KCNAB1: variants seen among roughly 807,000 people sequenced by gnomAD.
The protein encoded by KCNAB1 is voltage-gated potassium channel subunit beta-1.
In KCNAB1, 35 loss-of-function variants were observed where a neutral mutation model predicts 64.6. The observed-to-expected ratio is 0.54, with a 90% confidence interval of 0.41 to 0.72. The LOEUF is 0.72. KCNAB1 is among the 30% of genes least tolerant of loss of function. The pLI is 0.00. For missense variants in KCNAB1, 401 were observed against 512.9 expected (o/e 0.78, Z 2.11); for synonymous variants, 177 against 183.8 (o/e 0.96, Z 0.30).
intron 13 of KCNAB1, among the ~76,000 whole-genome samples, chr3:156,534,364 C>A (rs1179504845): frequency 6.6e-6 from 1 of 152,048 alleles, no homozygotes; most frequent in African/African-American, 2.4e-5. Flanking sequence ...GGAGGAGAAA[C>A]CACAGCTGCA....
At chr3:156,335,681 A>C (rs1723648918) in intron 1 of KCNAB1, among the ~76,000 whole-genome samples, 2 of 145,782 alleles carry the variant, frequency 1.4e-5, no homozygotes, top group Admixed American at 1.3e-4. Flanking sequence ...ATACCTCAAG[A>C]AAAAATCTTT....
chr3:156,345,749 A>G (rs1022560479), intron 1 of KCNAB1, among the ~76,000 whole-genome samples: 1 of 152,166 alleles, frequency 6.6e-6, no homozygotes, highest in African/African-American at 2.4e-5. Context: ...GTGTTTGAAT[A>G]TTTTCCATCA....
intron 1 of KCNAB1, among the ~76,000 whole-genome samples, chr3:156,285,907 T>C (rs1477606863): frequency 6.6e-6 from 1 of 152,252 alleles, no homozygotes; most frequent in Non-Finnish European, 1.5e-5. Context: ...TATCAGAGTG[T>C]TCAAATTCAG....
intron 1 of KCNAB1, among the ~76,000 whole-genome samples, chr3:156,206,805 G>C (rs930000421): frequency 2.0e-5 from 3 of 152,124 alleles, no homozygotes; most frequent in African/African-American, 7.2e-5. Flanking sequence ...GCAAAACTTT[G>C]CTCTGATATT....
At chr3:156,190,241 A>G (rs913441344) in intron 1 of KCNAB1, among the ~76,000 whole-genome samples, 3 of 152,162 alleles carry the variant, frequency 2.0e-5, no homozygotes, top group Non-Finnish European at 2.9e-5. Context: ...TTACCTTTGT[A>G]TAGCTGCAAA....
chr3:156,378,050 A>G (rs966063470), intron 1 of KCNAB1, among the ~76,000 whole-genome samples: 10 of 152,194 alleles, frequency 6.6e-5, no homozygotes, highest in Admixed American at 2.6e-4. Flanking sequence ...GTATATGGAC[A>G]TGCAGGGAGC....
intron 7 of KCNAB1, among the ~76,000 whole-genome samples, chr3:156,470,020 T>A (rs746709168): frequency 1.9e-4 from 29 of 152,214 alleles, no homozygotes; most frequent in African/African-American, 6.5e-4. Context: ...AAAGTTCAAA[T>A]TGATACAGAG....
intron 1 of KCNAB1, among the ~76,000 whole-genome samples, chr3:156,297,982 G>GT (rs1720911771): frequency 6.6e-6 from 1 of 152,172 alleles, no homozygotes; most frequent in Non-Finnish European, 1.5e-5. Context: ...TTTTGTTATT[G>GT]TTTTTTGGTA....
chr3:156,500,467 G>A (rs1559917415), intron 8 of KCNAB1, among the ~76,000 whole-genome samples: 1 of 152,090 alleles, frequency 6.6e-6, no homozygotes, highest in Non-Finnish European at 1.5e-5. Flanking sequence ...AGAAGTTAGA[G>A]ACATCTTTAT....
intron 1 of KCNAB1, among the ~76,000 whole-genome samples, chr3:156,210,213 T>C (rs1714928484): frequency 6.6e-6 from 1 of 152,142 alleles, no homozygotes; most frequent in African/African-American, 2.4e-5. Context: ...CTGCCTCCCC[T>C]TGCTTTGTTT....
intron 1 of KCNAB1, among the ~76,000 whole-genome samples, chr3:156,257,007 G>T (rs961235685): frequency 6.6e-6 from 1 of 152,182 alleles, no homozygotes; most frequent in Non-Finnish European, 1.5e-5. Flanking sequence ...TAGGCTGAGA[G>T]GTGGTAACAG....
At chr3:156,255,188 T>G (rs1291048762) in intron 1 of KCNAB1, among the ~76,000 whole-genome samples, 1 of 152,218 alleles carries the variant, frequency 6.6e-6, no homozygotes, top group Non-Finnish European at 1.5e-5. Flanking sequence ...TCTAGCTCCT[T>G]CATCTGAAAT....
intron 1 of KCNAB1, among the ~76,000 whole-genome samples, chr3:156,323,727 C>T (rs1275157828): frequency 6.6e-6 from 1 of 152,102 alleles, no homozygotes; most frequent in Non-Finnish European, 1.5e-5. Context: ...ATATTGGGTT[C>T]CTGTTATTAT....
chr3:156,167,519 C>T (rs562539769), intron 1 of KCNAB1, among the ~76,000 whole-genome samples: 26 of 152,228 alleles, frequency 1.7e-4, no homozygotes, highest in Admixed American at 6.5e-4. Flanking sequence ...TGAAGATGAC[C>T]TAAAACAAAC....
rs890759310 is a variant in KCNAB1 at position 156,230,697 on chromosome 3, G to T, written c.275+109811G>T. On this transcript the variant is annotated intron_variant, in intron 1 of 13. Coordinates refer to ENST00000490337, the MANE Select transcript of KCNAB1 (RefSeq NM_172160.3). ...CTTGTGCTATGAAGTAAACACGAGGGATGATGAGATAAAGAATAGGAATGC... is the reference window on the plus strand; with the variant it reads ...CTTGTGCTATGAAGTAAACACGAGGTATGATGAGATAAAGAATAGGAATGC... Among the ~76,000 whole-genome samples the T allele has an allele frequency of 1.6e-4, 25 of 152,174 alleles. 1 individual carries two copies. Among genetic ancestry groups the T allele is most frequent in the Admixed American group, 1.6e-3 (25 of 15,296 alleles).
intron 1 of KCNAB1, among the ~76,000 whole-genome samples, chr3:156,164,542 G>A (rs1716258039): frequency 6.6e-6 from 1 of 152,126 alleles, no homozygotes; most frequent in South Asian, 2.1e-4. Context: ...GTGATGCCTG[G>A]TGCATCAGCT....
upstream of KCNAB1, among the ~76,000 whole-genome samples, chr3:156,119,967 A>C (rs1713243287): frequency 6.6e-6 from 1 of 152,170 alleles, no homozygotes; most frequent in African/African-American, 2.4e-5. Context: ...AAGTGCTGGG[A>C]GGGGCAGTTA....
At chr3:156,376,757 G>C (rs1711707150) in intron 1 of KCNAB1, among the ~76,000 whole-genome samples, 1 of 152,198 alleles carries the variant, frequency 6.6e-6, no homozygotes, top group Admixed American at 6.5e-5. Context: ...CTGCTACCAA[G>C]GGAGGGTTGT....
chr3:156,259,985 C>A (rs1378052883), intron 1 of KCNAB1, among the ~76,000 whole-genome samples: 2 of 152,138 alleles, frequency 1.3e-5, no homozygotes, highest in Non-Finnish European at 2.9e-5. Flanking sequence ...TCTCCCTCAC[C>A]CTTGTTAGGG....
Sources: allele counts gnomAD v4.1 joint callset (sites outside exome capture counted in the v4.1 genomes callset), GRCh38; gene constraint gnomAD v4.1.1; transcripts MANE v1.5; gene names NCBI Gene and HGNC (gene_info 2026-07-23, HGNC 2026-07-21).